The following SLIT3 variants were observed in gnomAD, a reference collection of about 807,000 sequenced individuals.
The protein encoded by SLIT3 is slit guidance ligand 3, also known as slit homolog 3 protein.
A neutral mutation model predicts 184.0 loss-of-function variants in SLIT3; 68 were observed. That is an observed-to-expected ratio of 0.37 (90% CI 0.30 to 0.45). The LOEUF (loss-of-function observed/expected upper bound fraction) is 0.45. Ranked by LOEUF, SLIT3 falls within the 20% of genes least tolerant of loss-of-function variation. The pLI is 1.00. For synonymous variants in SLIT3, 831 were observed against 828.6 expected (o/e 1.00, Z -0.05); for missense variants, 1,707 against 2,026.0 (o/e 0.84, Z 3.02).
At chr5:168,774,547 G>C (rs113306684) in intron 12 of SLIT3, among the ~76,000 whole-genome samples, 169 bp from the exon 13 acceptor site, 1 of 152,078 alleles carries the variant, frequency 6.6e-6, no homozygotes, top group Non-Finnish European at 1.5e-5. Flanking sequence ...TGTGTCTACC[G>C]AAACCCCAAA....
At position 168,756,984 on chromosome 5, in the gene SLIT3, G is replaced by C. The variant is rs547155954; in HGVS notation, c.1686-2977C>G. On this transcript the variant is annotated intron_variant, in intron 16 of 35. Coordinates refer to ENST00000519560, the MANE Select transcript of SLIT3 (RefSeq NM_003062.4). ...ACAGAAGGAGAGTAAAAAAGAGGGG[G>C]ATATAATTTTCCAGAAAAGCTGGCT... Among the ~76,000 whole-genome samples, 9 of 152,314 alleles carry C rather than the reference G, an allele frequency of 5.9e-5. No individual in the cohort carries two copies. In the South Asian group the frequency reaches 1.9e-3, roughly 32 times the overall value.
intron 4 of SLIT3, among the ~76,000 whole-genome samples, chr5:169,064,879 T>C (rs1451603695): frequency 6.6e-6 from 1 of 152,250 alleles, no homozygotes; most frequent in Non-Finnish European, 1.5e-5. Context: ...CTCATTTTAA[T>C]GAAACGGAAA....
chr5:168,731,112 GAT>G (rs1207201394), intron 20 of SLIT3, among the ~76,000 whole-genome samples: 3 of 151,958 alleles, frequency 2.0e-5, no homozygotes, highest in Non-Finnish European at 4.4e-5. Context: ...CATTACAAAT[GAT>G]ATTTCAGAAA....
chr5:168,822,419 T>C (rs1203810519), intron 7 of SLIT3, among the ~76,000 whole-genome samples: 1 of 152,186 alleles, frequency 6.6e-6, no homozygotes, highest in Admixed American at 6.5e-5. Context: ...CTAAATGTTT[T>C]TGGCTGACAC....
Position 169,159,951 on chromosome 5 carries a change from A to C in SLIT3, c.413+33528T>G, listed in dbSNP as rs1372203813. 2.0e-5 allele frequency among the ~76,000 whole-genome samples: 3 copies of C among 152,282 alleles called. No individual in the cohort carries two copies. The East Asian group carries it at 5.8e-4, about 29-fold the overall frequency. The stretch of plus-strand genomic sequence containing the variant: ...TATAATGGCTGCCACTCCAACTTAG[A>C]CTACTGGGATAAGGCCACAACATAG... On this transcript the variant is annotated intron_variant, in intron 4 of 35. Transcript: ENST00000519560.
intron 20 of SLIT3, among the ~76,000 whole-genome samples, chr5:168,737,588 C>T (rs184828546): frequency 6.6e-6 from 1 of 152,358 alleles, no homozygotes; most frequent in Non-Finnish European, 1.5e-5. Flanking sequence ...CTTCCCCCCT[C>T]TTTTCCTTGG....
At position 169,300,475 on chromosome 5, in the gene SLIT3, G is replaced by C; in HGVS notation, c.197+38C>G. The C allele has an allele frequency of 7.0e-7, 1 of 1,432,394 alleles. No homozygotes were observed. The allele number at this position is 1,432,394 out of a possible 1,614,324, so 88.7% of individuals were successfully genotyped here. Reference sequence around the variant, plus strand: ...CCTGGGGCCCCCTCGGTGGGACCCAGGTGGGTGGCCCGCGTGGGGTGGGGC... The same window carrying C: ...CCTGGGGCCCCCTCGGTGGGACCCACGTGGGTGGCCCGCGTGGGGTGGGGC... On this transcript the variant is annotated intron_variant, in intron 1 of 35. Coordinates refer to ENST00000519560, the MANE Select transcript of SLIT3 (RefSeq NM_003062.4). This position sits in a 1 kb window ranked among gnomAD's most constrained non-coding sequence, Gnocchi z 4.1.
chr5:168,773,028 G>A (rs1755613534), intron 13 of SLIT3, 84 bp from the exon 14 acceptor site: 11 of 1,384,238 alleles, frequency 7.9e-6, no homozygotes, highest in Non-Finnish European at 1.1e-5. Context: ...GCTGGGCCCT[G>A]GCAATCCACT....
chr5:169,111,065 C>T (rs982866112), intron 4 of SLIT3, among the ~76,000 whole-genome samples: 7 of 152,212 alleles, frequency 4.6e-5, no homozygotes, highest in African/African-American at 9.6e-5. Context: ...CATCCTTCCT[C>T]GCAGGGCCTT....
chr5:169,032,705 G>A (rs1204956729), intron 4 of SLIT3, among the ~76,000 whole-genome samples: 1 of 148,726 alleles, frequency 6.7e-6, no homozygotes, highest in Non-Finnish European at 1.5e-5. Flanking sequence ...TTGGAGGACT[G>A]TTAACATATA....
intron 8 of SLIT3, among the ~76,000 whole-genome samples, chr5:168,807,893 C>T (rs1217735406): frequency 5.3e-5 from 8 of 152,156 alleles, no homozygotes; most frequent in Admixed American, 5.2e-4. Flanking sequence ...GTGGTGCGCT[C>T]TCCGCGTTCA....
chr5:169,193,582 G>T, intron 3 of SLIT3, 32 bp from the exon 4 acceptor site: 1 of 1,549,102 alleles, frequency 6.5e-7, no homozygotes, highest in Non-Finnish European at 8.9e-7. Context: ...AGGATGTCAA[G>T]GGGACATTAA....
At position 168,975,455 on chromosome 5, in the gene SLIT3, A is replaced by AC. The variant is rs1283389696; in HGVS notation, c.414-92120dup. Among the ~76,000 whole-genome samples, 352 of 149,976 alleles carry AC rather than the reference A, an allele frequency of 2.3e-3. 2 individuals carry two copies. The highest frequency in any genetic ancestry group is 7.9e-3 in the African/African-American group (319 of 40,310). ...TTCCTTCATTTGTGAACATACAGAC[A>AC]CCCCCCCACACACACAGACATCCAC... On this transcript the variant is annotated intron_variant, in intron 4 of 35. Coordinates refer to ENST00000519560, the MANE Select transcript of SLIT3 (RefSeq NM_003062.4).
At chr5:168,858,475 A>C (rs1758982857) in intron 5 of SLIT3, among the ~76,000 whole-genome samples, 2 of 152,236 alleles carry the variant, frequency 1.3e-5, no homozygotes, top group Admixed American at 1.3e-4. Flanking sequence ...CTTTCAAGTG[A>C]GACTTAGGGG....
intron 5 of SLIT3, among the ~76,000 whole-genome samples, chr5:168,856,817 GCA>G (rs1758896936): frequency 6.6e-6 from 1 of 150,890 alleles, no homozygotes; most frequent in Non-Finnish European, 1.5e-5. Context: ...GCGCGCGCGC[GCA>G]CGCCTTTGTT....
At chr5:168,992,189 A>G (rs1396004683) in intron 4 of SLIT3, among the ~76,000 whole-genome samples, 1 of 152,174 alleles carries the variant, frequency 6.6e-6, no homozygotes, top group African/African-American at 2.4e-5. Flanking sequence ...AGAAAAGAGA[A>G]TGACCTCCTG....
At chr5:169,190,055 C>A (rs1291611525) in intron 4 of SLIT3, among the ~76,000 whole-genome samples, 1 of 152,244 alleles carries the variant, frequency 6.6e-6, no homozygotes, top group Non-Finnish European at 1.5e-5. Context: ...TTACTCTCTA[C>A]TATGGGGAAC....
intron 4 of SLIT3, among the ~76,000 whole-genome samples, chr5:169,016,878 A>T (rs988347744): frequency 6.6e-6 from 1 of 152,168 alleles, no homozygotes; most frequent in Non-Finnish European, 1.5e-5. Context: ...AGTTTGTATC[A>T]TTTTTACACA....
Position 168,872,622 on chromosome 5 carries a change from T to TTTC in SLIT3, c.485+10640_485+10642dup, listed in dbSNP as rs751903765. 1.5e-4 allele frequency among the ~76,000 whole-genome samples: 21 copies of TTTC among 144,276 alleles called. 1 individual carries two copies. Among genetic ancestry groups the TTTC allele is most frequent in the Non-Finnish European group, 2.7e-4 (18 of 66,360 alleles). 94.7% of individuals were successfully genotyped at this position (144,276 alleles called of 152,430 possible). A position where few individuals can be genotyped will look rare whatever the true frequency, so the allele number is the denominator to read the frequency against. On this transcript the variant is annotated intron_variant, in intron 5 of 35. Coordinates refer to ENST00000519560, the MANE Select transcript of SLIT3 (RefSeq NM_003062.4). ...TTTTTTAAAGTTCGTACTTTCTTCT[T>TTTC]TTCTTCTTCTTCTTCTTCTTTTTTT...
Sources: allele counts gnomAD v4.1 joint callset (sites outside exome capture counted in the v4.1 genomes callset), GRCh38; gene constraint gnomAD v4.1.1; non-coding constraint Gnocchi (gnomAD v3.1); transcripts MANE v1.5; gene names NCBI Gene and HGNC (gene_info 2026-07-23, HGNC 2026-07-21).